Variants in ABHD18 observed in about 807,000 individuals in gnomAD.
ABHD18 encodes the protein abhydrolase domain containing 18, also known as cardiolipin-specific deacylase, mitochondrial.
In ABHD18, 55 loss-of-function variants were observed where a neutral mutation model predicts 65.9. The ratio of observed to expected loss-of-function variants is 0.84; its 90% CI spans 0.67 to 1.05. ABHD18 has a LOEUF of 1.05. Among genes scored for constraint, ABHD18 ranks in the 50% least tolerant of loss-of-function variants. ABHD18 has a pLI of 0.00. For synonymous variants in ABHD18, 181 were observed against 180.2 expected, an observed-to-expected ratio of 1.00 and a Z score of -0.04; for missense variants, 533 against 558.5, an observed-to-expected ratio of 0.95 and a Z score of 0.46.
intron 10 of ABHD18, among the ~76,000 whole-genome samples, chr4:128,024,274 A>G (rs1757004183): frequency 6.6e-6 from 1 of 152,168 alleles, no homozygotes; most frequent in African/African-American, 2.4e-5. Flanking sequence ...TCAGGAATCC[A>G]TTCCCGGTAA....
chr4:127,966,884 C>CAAA (rs1177943709), intron 1 of ABHD18, among the ~76,000 whole-genome samples: 2 of 82,594 alleles, frequency 2.4e-5, no homozygotes, highest in African/African-American at 4.5e-5. Flanking sequence ...GATTCTGTCT[C>CAAA]AAAAAAAAAA....
chr4:128,030,336 G>A (rs1192882424), intron 11 of ABHD18, among the ~76,000 whole-genome samples, 174 bp from the exon 12 acceptor site: 1 of 152,146 alleles, frequency 6.6e-6, no homozygotes, highest in Admixed American at 6.6e-5. Flanking sequence ...ACAGTATTTT[G>A]TATCATTTTT....
At chr4:127,969,355 T>C (rs1467364570) in intron 1 of ABHD18, among the ~76,000 whole-genome samples, 1 of 151,620 alleles carries the variant, frequency 6.6e-6, no homozygotes, top group African/African-American at 2.4e-5. Context: ...GTGCCCACCA[T>C]CACACCTGGC....
At chr4:127,989,908 A>T (rs1280431809) in intron 4 of ABHD18, 87 bp downstream of exon 4, 2 of 799,672 alleles carry the variant, frequency 2.5e-6, no homozygotes, top group African/African-American at 3.5e-5. Flanking sequence ...TGAAATTAGG[A>T]GTAACAAGGC....
intron 1 of ABHD18, among the ~76,000 whole-genome samples, chr4:127,981,790 G>A (rs1749102071): frequency 6.6e-6 from 1 of 152,042 alleles, no homozygotes; most frequent in Non-Finnish European, 1.5e-5. Flanking sequence ...CCATTGAAGA[G>A]CACATGGAAA....
chr4:128,020,869 A>G (rs1756377630), intron 9 of ABHD18, among the ~76,000 whole-genome samples: 1 of 152,056 alleles, frequency 6.6e-6, no homozygotes, highest in Non-Finnish European at 1.5e-5. Context: ...CTCTGTCTCT[A>G]CTAAAAATAC....
intron 12 of ABHD18, among the ~76,000 whole-genome samples, chr4:128,034,587 AAAAAAAG>A (rs778361967): frequency 7.9e-5 from 12 of 152,108 alleles, no homozygotes; most frequent in East Asian, 3.8e-4. Context: ...TTGTCTCTAA[AAAAAAAG>A]AAAAAAGAAA....
intron 6 of ABHD18, among the ~76,000 whole-genome samples, chr4:128,011,228 G>A (rs1300235698): frequency 2.0e-5 from 3 of 150,378 alleles, no homozygotes; most frequent in Admixed American, 6.7e-5. Context: ...GCTCACTGCA[G>A]GCTCCGCCCC....
intron 10 of ABHD18, among the ~76,000 whole-genome samples, chr4:128,022,903 T>C (rs915754865): frequency 6.6e-6 from 1 of 152,024 alleles, no homozygotes; most frequent in Non-Finnish European, 1.5e-5. Flanking sequence ...CCTGAGCAGC[T>C]GGGACTACAG....
intron 10 of ABHD18, among the ~76,000 whole-genome samples, chr4:128,021,724 G>C (rs1339145860): frequency 1.3e-5 from 2 of 149,982 alleles, no homozygotes; most frequent in East Asian, 3.9e-4. Context: ...CAAATATGTG[G>C]TTTACTACAT....
chr4:128,023,801 G>A (rs147658074), intron 10 of ABHD18, among the ~76,000 whole-genome samples: 29 of 152,198 alleles, frequency 1.9e-4, no homozygotes, highest in African/African-American at 4.3e-4. Context: ...GGAGAATGGC[G>A]TGAACCCAGA....
At chr4:128,004,050 A>G (rs566177546) in intron 4 of ABHD18, among the ~76,000 whole-genome samples, 96 of 152,100 alleles carry the variant, frequency 6.3e-4, no homozygotes, top group African/African-American at 2.2e-3. Context: ...AACTATCCCC[A>G]TGATATAATT....
At chr4:127,985,670 A>C (rs1749814745) in intron 3 of ABHD18, among the ~76,000 whole-genome samples, 1 of 152,100 alleles carries the variant, frequency 6.6e-6, no homozygotes, top group Admixed American at 6.6e-5. Flanking sequence ...TTCCCTCCCA[A>C]GAGTGAATTG....
At chr4:128,007,631 C>T (rs1204869713) in intron 4 of ABHD18, among the ~76,000 whole-genome samples, 1 of 151,104 alleles carries the variant, frequency 6.6e-6, no homozygotes, top group Admixed American at 6.6e-5. Flanking sequence ...ATCCCAGCTA[C>T]TTGGGAGGCT....
intron 7 of ABHD18, among the ~76,000 whole-genome samples, chr4:128,012,925 G>C (rs191134572): frequency 4.7e-4 from 72 of 151,794 alleles, no homozygotes; most frequent in African/African-American, 1.4e-3. Context: ...AATTAGCCAG[G>C]CATGGTGGTA....
chr4:128,026,825 G>A (rs1343753773), intron 10 of ABHD18, among the ~76,000 whole-genome samples: 1 of 145,502 alleles, frequency 6.9e-6, no homozygotes, highest in Non-Finnish European at 1.5e-5. Flanking sequence ...TTGCTCTGTC[G>A]CCCAGGCTGG....
At chr4:127,975,707 A>G (rs1245600586) in intron 1 of ABHD18, among the ~76,000 whole-genome samples, 1 of 152,228 alleles carries the variant, frequency 6.6e-6, no homozygotes, top group Non-Finnish European at 1.5e-5. Flanking sequence ...CTTTAGATAG[A>G]ATATTAATTT....
chr4:128,013,873 G>A (rs1230341214), intron 7 of ABHD18, among the ~76,000 whole-genome samples: 1 of 151,852 alleles, frequency 6.6e-6, no homozygotes, highest in Admixed American at 6.6e-5. Context: ...TGGGGTGGAG[G>A]CAAACCGGTA....
At chr4:128,017,913 T>C (rs1755794780) in intron 8 of ABHD18, among the ~76,000 whole-genome samples, 1 of 152,218 alleles carries the variant, frequency 6.6e-6, no homozygotes, top group Admixed American at 6.5e-5. Flanking sequence ...AATTGCTTTC[T>C]CTGTCTCTAG....
Sources: gnomAD v4.1 joint callset for allele counts (sites outside exome capture counted in the v4.1 genomes callset) on GRCh38, gnomAD v4.1.1 for gene constraint, MANE v1.5 for transcripts, NCBI Gene and HGNC (gene_info 2026-07-23, HGNC 2026-07-21) for gene names.